Variants in BUB1B observed in about 807,000 individuals in gnomAD.
The protein encoded by BUB1B is BUB1 mitotic checkpoint serine/threonine kinase B.
Under a neutral mutation model 137.7 loss-of-function variants are expected in BUB1B, and 86 were observed. The ratio of observed to expected loss-of-function variants is 0.62; its 90% confidence interval spans 0.52 to 0.75. The LOEUF (loss-of-function observed/expected upper bound fraction) is 0.75. Among genes scored for constraint, BUB1B ranks in the 30% least tolerant of loss-of-function variants. The pLI, the probability that BUB1B is intolerant of heterozygous loss-of-function variation, is 0.00. For missense variants in BUB1B, 1,130 were observed against 1,236.9 expected, an observed-to-expected ratio of 0.91 and a Z score of 1.30; for synonymous variants, 420 against 417.9, an observed-to-expected ratio of 1.00 and a Z score of -0.06.
At chr15:40,190,635 A>C (rs2037424625) in intron 8 of BUB1B, among the ~76,000 whole-genome samples, 1 of 152,194 alleles carries the variant, frequency 6.6e-6, no homozygotes, top group Non-Finnish European at 1.5e-5. Context: ...TAAAACAATA[A>C]AATAAAAGTT....
intron 8 of BUB1B, among the ~76,000 whole-genome samples, chr15:40,187,899 TCAAAAATAAATAA>T (rs1238133146): frequency 6.6e-6 from 1 of 152,098 alleles, no homozygotes; most frequent in African/African-American, 2.4e-5. Context: ...AGACCTTGTC[TCAAAAATAAATAA>T]CGAAAATAAA....
intron 12 of BUB1B, 21 bp from the exon 13 acceptor site, chr15:40,202,384 A>G: frequency 6.4e-7 from 1 of 1,559,062 alleles, no homozygotes; most frequent in Non-Finnish European, 8.8e-7. Flanking sequence ...TAGAGTATGT[A>G]TCTAGTCTCT....
At chr15:40,217,974 C>G (rs1231893901) in intron 21 of BUB1B, among the ~76,000 whole-genome samples, 2 of 152,172 alleles carry the variant, frequency 1.3e-5, no homozygotes, top group Non-Finnish European at 2.9e-5. Flanking sequence ...GGATAACAGT[C>G]TCTGCTATGT....
chr15:40,176,740 C>A, intron 5 of BUB1B, 67 bp downstream of exon 5: 1 of 1,522,678 alleles, frequency 6.6e-7, no homozygotes, highest in South Asian at 1.2e-5. Flanking sequence ...TTTTTTGCAT[C>A]TGAATAAAGT....
intron 7 of BUB1B, 58 bp downstream of exon 7, chr15:40,185,437 A>G (rs1177978306): frequency 1.6e-5 from 25 of 1,596,960 alleles, no homozygotes; most frequent in Non-Finnish European, 2.1e-5. Flanking sequence ...CATTTAGGGT[A>G]GAGAAGTATT....
chr15:40,178,773 A>G (rs1288975157), intron 5 of BUB1B, among the ~76,000 whole-genome samples: 2 of 152,094 alleles, frequency 1.3e-5, no homozygotes, highest in African/African-American at 4.8e-5. Flanking sequence ...ATCATTATAT[A>G]ATGTCTCCCT....
chr15:40,187,339 G>A (rs1027903303), intron 8 of BUB1B, among the ~76,000 whole-genome samples: 8 of 151,974 alleles, frequency 5.3e-5, no homozygotes, highest in South Asian at 2.1e-4. Flanking sequence ...TGTTAGCCAG[G>A]ATGGTCTCGA....
Position 40,213,422 on chromosome 15 carries a change from G to A in BUB1B, c.2626G>A (p.Ala876Thr). ...LLTIVEMLHK[A>T]EIVHGDLSPR... ...GACAATAGTGGAGATGCTACACAAA[G>A]CAGAAATAGTCCATGGTGACTTGAG... Residue 876 changes from alanine to threonine, a missense_variant, in exon 20 of 23, where the codon GCA becomes ACA. Transcript: ENST00000287598. 6.2e-7 allele frequency: 1 copy of A among 1,614,166 alleles called. No individual in the cohort carries two copies. The highest frequency in any genetic ancestry group is 8.5e-7 in the Non-Finnish European group (1 of 1,180,014).
chr15:40,211,666 C>A (rs2140907228), intron 18 of BUB1B, among the ~76,000 whole-genome samples: 1 of 152,118 alleles, frequency 6.6e-6, no homozygotes, highest in African/African-American at 2.4e-5. Flanking sequence ...TTATTTCTAC[C>A]CCCCTCAGTG....
intron 8 of BUB1B, among the ~76,000 whole-genome samples, chr15:40,191,305 G>A (rs1221554978): frequency 6.6e-6 from 1 of 152,220 alleles, no homozygotes; most frequent in Non-Finnish European, 1.5e-5. Context: ...TGAGTAAGGG[G>A]AAACTACTCT....
chr15:40,210,199 A>C lies in BUB1B; in HGVS notation c.2374A>C (p.Thr792Pro). 6.3e-7 allele frequency: 1 copy of C among 1,599,770 alleles called. No individual in the cohort carries two copies. The highest frequency in any genetic ancestry group is 1.7e-5 in the Admixed American group (1 of 60,014). ...GGCGCCAAGAAACTCTGCAGAATTAACAGTAATAAAGGTGGGACTGATTCT... is the reference window on the plus strand; with the variant it reads ...GGCGCCAAGAAACTCTGCAGAATTACCAGTAATAAAGGTGGGACTGATTCT... ...WVAPRNSAEL[T>P]VIKVSSQPVP... is the part of the protein sequence containing the mutation. The change falls in exon 18 of 23, where the codon ACA becomes CCA. Residue 792 changes from threonine to proline, a missense_variant. Coordinates refer to ENST00000287598, the MANE Select transcript of BUB1B (RefSeq NM_001211.6).
chr15:40,166,834 A>G (rs2037104344), intron 2 of BUB1B, among the ~76,000 whole-genome samples: 1 of 152,112 alleles, frequency 6.6e-6, no homozygotes, highest in South Asian at 2.1e-4. Context: ...TAGCCATTCT[A>G]GTTTTGTGGA....
In BUB1B at chr15:40,202,733, G is replaced by C. The variant is rs773920997; in HGVS notation, c.1734+39G>C. ...TCCTTAAGTTAATGTAAATGGGCTA[G>C]TGGATTGTTTATTCAAAACCACAAA... On this transcript the variant is annotated intron_variant, in intron 14 of 22. Coordinates refer to ENST00000287598, the MANE Select transcript of BUB1B (RefSeq NM_001211.6). 3.9e-6 allele frequency: 6 copies of C among 1,532,632 alleles called. No individual in the cohort carries two copies. The South Asian group carries it at 6.7e-5, about 17-fold the overall frequency. 94.9% of individuals were successfully genotyped at this position (1,532,632 alleles called of 1,614,324 possible).
At chr15:40,216,809 C>T (rs796565938) in intron 20 of BUB1B, among the ~76,000 whole-genome samples, 2 of 151,764 alleles carry the variant, frequency 1.3e-5, no homozygotes, top group African/African-American at 4.8e-5. Flanking sequence ...AAAACCCACT[C>T]TTTTCATTTA....
chr15:40,203,526 AT>A (rs1298095571), intron 14 of BUB1B, among the ~76,000 whole-genome samples: 4 of 152,220 alleles, frequency 2.6e-5, no homozygotes, highest in Non-Finnish European at 5.9e-5. Context: ...AAAAGGGTCA[AT>A]TTTATGGTAT....
In BUB1B at chr15:40,208,643, TA is replaced by T; in HGVS notation, c.2017del (p.Ile673LeufsTer35). 6.2e-7 allele frequency: 1 copy of T among 1,613,528 alleles called. No individual in the cohort carries two copies. The highest frequency in any genetic ancestry group is 1.1e-5 in the South Asian group (1 of 91,062). On this transcript the variant is annotated frameshift_variant, in exon 16 of 23. Coordinates refer to ENST00000287598, the MANE Select transcript of BUB1B (RefSeq NM_001211.6). LOFTEE classifies it high-confidence loss of function. ...TLSIKKLSPI[I>X]EDSREATHSS... ...TTATTTTTGATTCTTTTAGCCCAAT[TA>T]TTGAAGACAGTCGTGAAGCCACACA...
chr15:40,218,160 A>C (rs1358527044), intron 21 of BUB1B, among the ~76,000 whole-genome samples: 1 of 152,206 alleles, frequency 6.6e-6, no homozygotes, highest in Non-Finnish European at 1.5e-5. Flanking sequence ...AATCATGTGG[A>C]CCCCATTTAG....
chr15:40,186,593 T>C (rs930648044), intron 8 of BUB1B, among the ~76,000 whole-genome samples: 4 of 151,816 alleles, frequency 2.6e-5, no homozygotes, highest in South Asian at 2.1e-4. Flanking sequence ...TACAGGCATC[T>C]GCCACCACGC....
At chr15:40,180,692 C>T (rs112277679) in intron 5 of BUB1B, among the ~76,000 whole-genome samples, 4 of 123,944 alleles carry the variant, frequency 3.2e-5, no homozygotes, top group African/African-American at 1.3e-4. Flanking sequence ...CTCTGTCGTC[C>T]GGGCTACAGT....
Sources: allele counts gnomAD v4.1 joint callset (sites outside exome capture counted in the v4.1 genomes callset), GRCh38; gene constraint gnomAD v4.1.1; transcripts MANE v1.5; gene names NCBI Gene and HGNC (gene_info 2026-07-23, HGNC 2026-07-21).